Variants in IQCH observed in about 807,000 individuals in gnomAD.
The protein encoded by IQCH is IQ domain-containing protein H.
Under a neutral mutation model 117.0 loss-of-function variants are expected in IQCH, and 98 were observed. The ratio of observed to expected loss-of-function variants is 0.84; its 90% CI spans 0.71 to 0.99. IQCH has a LOEUF of 0.99. Ranked by LOEUF, IQCH falls within the 50% of genes least tolerant of loss-of-function variation. IQCH has a pLI of 0.00. For missense variants in IQCH, 1,102 were observed against 1,243.8 expected (o/e 0.89, Z 1.72); for synonymous variants, 412 against 448.2 (o/e 0.92, Z 1.02).
At position 67,458,082 on chromosome 15, in the gene IQCH, T is replaced by C. The variant is rs1035810651; in HGVS notation, c.2506-7045T>C. Reference sequence around the variant, plus strand: ...CCTCCCAGGAACTGATTCTGTTTTATCCCTAGAGCCTAGCCATGCACATCC... The same window carrying C: ...CCTCCCAGGAACTGATTCTGTTTTACCCCTAGAGCCTAGCCATGCACATCC... On this transcript the variant is annotated intron_variant, in intron 16 of 20. Transcript: ENST00000335894. This position sits in a 1 kb window ranked among gnomAD's most constrained non-coding sequence, Gnocchi z 4.1. 6.6e-6 allele frequency among the ~76,000 whole-genome samples: 1 copy of C among 152,202 alleles called. No individual in the cohort carries two copies. The highest frequency in any genetic ancestry group is 1.5e-5 in the Non-Finnish European group (1 of 68,032).
intron 4 of IQCH, among the ~76,000 whole-genome samples, chr15:67,289,376 T>C (rs1966677161): frequency 6.6e-6 from 1 of 152,024 alleles, no homozygotes; most frequent in South Asian, 2.1e-4. Context: ...TCTGAATTAT[T>C]GCAGTGATCA....
At chr15:67,441,383 C>A (rs1340297820) in intron 16 of IQCH, among the ~76,000 whole-genome samples, 1 of 152,066 alleles carries the variant, frequency 6.6e-6, no homozygotes, top group Non-Finnish European at 1.5e-5. Context: ...TTAGAAAAAA[C>A]AATTCTAAAA....
rs886722382 is a variant in IQCH, at chr15:67,474,705, C to T, written c.2677-991C>T. Reference sequence around the variant, plus strand: ...GCCACCTCAAGGAGGTGGTCCATGCCCAGTGACTTGCTGCCAAAGGTTAAA... The same window carrying T: ...GCCACCTCAAGGAGGTGGTCCATGCTCAGTGACTTGCTGCCAAAGGTTAAA... On this transcript the variant is annotated intron_variant, in intron 17 of 20. Transcript: ENST00000335894. This position sits in a 1 kb window ranked among gnomAD's most constrained non-coding sequence, Gnocchi z 4.1. Among the ~76,000 whole-genome samples the T allele has an allele frequency of 6.6e-6, 1 of 152,098 alleles. No individual in the cohort carries two copies. The highest frequency in any genetic ancestry group is 2.4e-5 in the African/African-American group (1 of 41,400).
intron 4 of IQCH, among the ~76,000 whole-genome samples, chr15:67,314,484 G>GAAAAAAAA (rs11343033): frequency 6.6e-5 from 9 of 136,214 alleles, no homozygotes; most frequent in South Asian, 2.4e-4. Flanking sequence ...TGTGCTAAAT[G>GAAAAAAAA]AAAAAAAAAA....
rs2081618750 is a variant in IQCH, at chr15:67,417,968, A to G, written c.2218+917A>G. Among the ~76,000 whole-genome samples the G allele has an allele frequency of 6.6e-6, 1 of 152,206 alleles. No homozygotes were observed. Among genetic ancestry groups the G allele is most frequent in the Non-Finnish European group, 1.5e-5 (1 of 68,032 alleles). Reference sequence around the variant, plus strand: ...TAGCACAGTGATGATAATAATAGTGAGCTTAGATAGTGCTTATTATGGGCC... The same window carrying G: ...TAGCACAGTGATGATAATAATAGTGGGCTTAGATAGTGCTTATTATGGGCC... On this transcript the variant is annotated intron_variant, in intron 15 of 20. Transcript: ENST00000335894. This position sits in a 1 kb window ranked among gnomAD's most constrained non-coding sequence, Gnocchi z 4.3.
rs1408757953 is a variant in IQCH, at chr15:67,411,055, G to T, written c.2098-5876G>T. Among the ~76,000 whole-genome samples the T allele has an allele frequency of 6.6e-6, 1 of 152,114 alleles. No homozygotes were observed. The highest frequency in any genetic ancestry group is 1.5e-5 in the Non-Finnish European group (1 of 68,034). ...CACCCCTGCACATGCCTACCATATGGTGAGCTTTTAATTATTAAAAGCTTT... is the reference window on the plus strand; with the variant it reads ...CACCCCTGCACATGCCTACCATATGTTGAGCTTTTAATTATTAAAAGCTTT... On this transcript the variant is annotated intron_variant, in intron 14 of 20. Transcript: ENST00000335894. This position sits in a 1 kb window ranked among gnomAD's most constrained non-coding sequence, Gnocchi z 4.4.
rs151021263 is a variant in IQCH at position 67,493,300 on chromosome 15, G to GTGGTCTGTCTCC, written c.2862-955_2862-944dup. On this transcript the variant is annotated intron_variant, in intron 19 of 20. Coordinates refer to ENST00000335894, the MANE Select transcript of IQCH (RefSeq NM_001031715.3). The surrounding 1 kb of genome is among the most constrained non-coding windows in gnomAD (Gnocchi z 5.1). ...ATGATTTGCCTGGGTCACACAGTAG[G>GTGGTCTGTCTCC]TGGTCTGTCTCCTGATCCTGAACTT... Among the ~76,000 whole-genome samples the GTGGTCTGTCTCC allele has an allele frequency of 2.2e-4, 33 of 152,314 alleles. No homozygotes were observed. In the East Asian group the frequency reaches 5.4e-3, roughly 25 times the overall value.
intron 8 of IQCH, among the ~76,000 whole-genome samples, chr15:67,367,256 C>A (rs759389927): frequency 6.6e-6 from 1 of 152,128 alleles, no homozygotes; most frequent in Non-Finnish European, 1.5e-5. Flanking sequence ...AAAAAATGAG[C>A]TGAGTGCAGT....
chr15:67,325,245 A>G (rs1968352702), intron 4 of IQCH, among the ~76,000 whole-genome samples: 1 of 152,062 alleles, frequency 6.6e-6, no homozygotes, highest in South Asian at 2.1e-4. Flanking sequence ...CAGTTTTAGA[A>G]TTTCCATTTA....
At position 67,254,885 on chromosome 15, in the gene IQCH, C is replaced by A. The variant is rs762775024; in HGVS notation, c.-12C>A. 13 of 1,613,396 alleles carry A rather than the reference C, an allele frequency of 8.1e-6. No individual in the cohort carries two copies. The Admixed American group carries it at 1.8e-4, about 23-fold the overall frequency. ...CGCGCCTCCGCGGAGGTAGCCGTTC[C>A]CTGACCTAGCCATGGCACAGAACAC... On this transcript the variant is annotated 5_prime_UTR_variant, in exon 1 of 21. Coordinates refer to ENST00000335894, the MANE Select transcript of IQCH (RefSeq NM_001031715.3).
At chr15:67,308,747 A>G (rs543471096) in intron 4 of IQCH, among the ~76,000 whole-genome samples, 12 of 152,058 alleles carry the variant, frequency 7.9e-5, no homozygotes, top group African/African-American at 2.4e-4. Context: ...CAGAATGTCA[A>G]TTCTGCATTG....
At position 67,337,070 on chromosome 15, in the gene IQCH, A is replaced by G; in HGVS notation, c.483A>G (p.Pro161=). 1.2e-6 allele frequency: 2 copies of G among 1,613,430 alleles called. No individual in the cohort carries two copies. The highest frequency in any genetic ancestry group is 1.7e-6 in the Non-Finnish European group (2 of 1,179,602). ...CAGATCCCTATTTCACTCCTATACC[A>G]GTCTTACAAGCAGATGCCCACAAAG... ...HCTDPYFTPI[P]VLQADAHKGI... is the part of the protein sequence containing the mutation. The change falls in exon 5 of 21, where the codon CCA becomes CCG. Residue 161 remains proline (P), a synonymous_variant. Coordinates refer to ENST00000335894, the MANE Select transcript of IQCH (RefSeq NM_001031715.3).
rs2083759447 is a variant in IQCH, at chr15:67,494,738, T to C, written c.2970+372T>C. The stretch of plus-strand genomic sequence containing the variant: ...TATTCCAGATAATACAAGGTCTGAC[T>C]AGTGATTCCTGGGAAGCCCTAGTTT... On this transcript the variant is annotated intron_variant, in intron 20 of 20. Coordinates refer to ENST00000335894, the MANE Select transcript of IQCH (RefSeq NM_001031715.3). The surrounding 1 kb of genome is among the most constrained non-coding windows in gnomAD (Gnocchi z 5.5). Among the ~76,000 whole-genome samples the C allele has an allele frequency of 6.6e-6, 1 of 152,194 alleles. No individual in the cohort carries two copies.
At chr15:67,277,900 C>G (rs1254706648) in intron 3 of IQCH, among the ~76,000 whole-genome samples, 1 of 152,124 alleles carries the variant, frequency 6.6e-6, no homozygotes. Flanking sequence ...GAAACCCCTT[C>G]TTAAAAAGAG....
rs1041829987 is a variant in IQCH at position 67,493,904 on chromosome 15, C to T, written c.2862-354C>T. Among the ~76,000 whole-genome samples the T allele has an allele frequency of 2.0e-5, 3 of 152,114 alleles. No individual in the cohort carries two copies. Among genetic ancestry groups the T allele is most frequent in the East Asian group, 1.9e-4 (1 of 5,198 alleles). ...GTTCCCACCTATGAGTGAGAACATG[C>T]GGTGTTTGGTTTTCTGTCCTTGCGA... On this transcript the variant is annotated intron_variant, in intron 19 of 20. Coordinates refer to ENST00000335894, the MANE Select transcript of IQCH (RefSeq NM_001031715.3). This position sits in a 1 kb window ranked among gnomAD's most constrained non-coding sequence, Gnocchi z 5.1.
In IQCH at chr15:67,408,907, G is replaced by A. The variant is rs573185804; in HGVS notation, c.2098-8024G>A. Among the ~76,000 whole-genome samples, 35 of 152,226 alleles carry A rather than the reference G, an allele frequency of 2.3e-4. No individual in the cohort carries two copies. The highest frequency in any genetic ancestry group is 8.4e-4 in the African/African-American group (35 of 41,546). ...TAAAATATTGCATGATCTTAGAACA[G>A]TCATATGTATTTACTTGATATCACT... On this transcript the variant is annotated intron_variant, in intron 14 of 20. Transcript: ENST00000335894. The surrounding 1 kb of genome is among the most constrained non-coding windows in gnomAD (Gnocchi z 4.2).
intron 1 of IQCH, among the ~76,000 whole-genome samples, chr15:67,258,751 C>T (rs1191305756): frequency 1.3e-5 from 2 of 152,100 alleles, no homozygotes; most frequent in Non-Finnish European, 2.9e-5. Flanking sequence ...AAATAATAAT[C>T]TTTCTCCAAG....
intron 4 of IQCH, among the ~76,000 whole-genome samples, chr15:67,305,701 T>C (rs1967260773): frequency 1.3e-5 from 2 of 152,244 alleles, no homozygotes; most frequent in Admixed American, 6.5e-5. Flanking sequence ...CTGTGTTTCA[T>C]GTGAACTTTT....
rs892586354 is a variant in IQCH at position 67,475,951 on chromosome 15, A to T, written c.2799+133A>T. 3.6e-5 allele frequency: 27 copies of T among 757,374 alleles called. No individual in the cohort carries two copies. In the South Asian group the frequency reaches 3.7e-4, roughly 10 times the overall value. The allele number at this position is 757,374 out of a possible 1,614,324, so 46.9% of individuals were successfully genotyped here. On this transcript the variant is annotated intron_variant, in intron 18 of 20. Coordinates refer to ENST00000335894, the MANE Select transcript of IQCH (RefSeq NM_001031715.3). The surrounding 1 kb of genome is among the most constrained non-coding windows in gnomAD (Gnocchi z 5.7). ...TTGACGTGTCTGTAGAGGAAGGCTG[A>T]TTGCTGCTTGGGGAAGAGCAGATAC...
Sources: allele counts gnomAD v4.1 joint callset (sites outside exome capture counted in the v4.1 genomes callset), GRCh38; gene constraint gnomAD v4.1.1; non-coding constraint Gnocchi (gnomAD v3.1); transcripts MANE v1.5; gene names NCBI Gene and HGNC (gene_info 2026-07-23, HGNC 2026-07-21).